STAG1: variants seen among roughly 807,000 people sequenced by gnomAD.
STAG1 encodes the protein cohesin subunit SA-1.
A neutral mutation model predicts 170.9 loss-of-function variants in STAG1; 26 were observed. That is an observed-to-expected ratio of 0.15 (90% confidence interval 0.11 to 0.21). STAG1 has a LOEUF of 0.21. Among genes scored for constraint, STAG1 ranks in the 10% least tolerant of loss-of-function variants. The probability of loss-of-function intolerance (pLI) is 1.00; values close to 1 mark genes in which losing one functional copy is unlikely to be tolerated. For synonymous variants in STAG1, 514 were observed against 497.7 expected (o/e 1.03, Z -0.44); for missense variants, 964 against 1,509.5 (o/e 0.64, Z 5.99).
chr3:136,711,662 A>G (rs1298112955), intron 1 of STAG1, among the ~76,000 whole-genome samples: 1 of 152,230 alleles, frequency 6.6e-6, no homozygotes, highest in Non-Finnish European at 1.5e-5. Context: ...AGACAGACTA[A>G]TGTAACAGGA....
At chr3:136,356,059 T>G (rs1936640944) in intron 28 of STAG1, among the ~76,000 whole-genome samples, 2 of 146,506 alleles carry the variant, frequency 1.4e-5, no homozygotes, top group Non-Finnish European at 3.0e-5. Context: ...GTCTGCCTGT[T>G]TTTTTTTTTT....
At chr3:136,666,822 A>T (rs1048326756) in intron 1 of STAG1, among the ~76,000 whole-genome samples, 1 of 146,636 alleles carries the variant, frequency 6.8e-6, no homozygotes, top group Non-Finnish European at 1.5e-5. Flanking sequence ...TCTGTCTTTA[A>T]AAAAAAAAAA....
At chr3:136,477,650 C>T (rs1012084154) in intron 9 of STAG1, among the ~76,000 whole-genome samples, 2 of 152,100 alleles carry the variant, frequency 1.3e-5, no homozygotes, top group African/African-American at 2.4e-5. Flanking sequence ...TCTATTTTCA[C>T]TGGGCTAGAC....
chr3:136,496,738 A>G (rs1933120459), intron 9 of STAG1, among the ~76,000 whole-genome samples: 2 of 152,210 alleles, frequency 1.3e-5, no homozygotes. Context: ...GAAACTAAGA[A>G]GAGCTGAAGA....
At position 136,577,747 on chromosome 3, in the gene STAG1, A is replaced by G. The variant is rs186301855; in HGVS notation, c.298-8886T>C. Among the ~76,000 whole-genome samples the G allele has an allele frequency of 1.1e-4, 16 of 152,326 alleles. No homozygotes were observed. The East Asian group carries it at 2.7e-3, about 26-fold the overall frequency. On this transcript the variant is annotated intron_variant, in intron 4 of 33. Transcript: ENST00000383202. ...TAACCCAGAAGAAAATAGCTTATAT[A>G]CTCAACAGAAATCTGAGGAACATGT...
chr3:136,396,804 G>A (rs946370697), intron 22 of STAG1, among the ~76,000 whole-genome samples: 2 of 152,082 alleles, frequency 1.3e-5, no homozygotes, highest in Admixed American at 1.3e-4. Context: ...GGGATTACAG[G>A]CGCGAGCCAC....
At chr3:136,394,850 T>C (rs1015331351) in intron 22 of STAG1, among the ~76,000 whole-genome samples, 1 of 148,816 alleles carries the variant, frequency 6.7e-6, no homozygotes, top group Non-Finnish European at 1.5e-5. Flanking sequence ...CTACTTGGGA[T>C]GCTGAGGCAG....
chr3:136,350,616 G>A (rs1936399655), intron 28 of STAG1, among the ~76,000 whole-genome samples: 2 of 152,166 alleles, frequency 1.3e-5, no homozygotes, highest in Admixed American at 1.3e-4. Context: ...TATTCTGGGA[G>A]AAGAGGGATG....
At chr3:136,463,826 T>C (rs1212876575) in intron 13 of STAG1, among the ~76,000 whole-genome samples, 2 of 144,978 alleles carry the variant, frequency 1.4e-5, no homozygotes, top group East Asian at 2.0e-4. Flanking sequence ...CATATATTCA[T>C]ATATACATAT....
chr3:136,576,886 GTAGATTCGTTTGCTTTGGAGAAAGA>G (rs1452890890), intron 4 of STAG1, among the ~76,000 whole-genome samples: 3 of 152,192 alleles, frequency 2.0e-5, no homozygotes, highest in African/African-American at 4.8e-5. Flanking sequence ...CTGCTTAAGA[GTAGATTCGTTTGCTTTGGAGAAAGA>G]TAGATTCGTT....
At chr3:136,470,408 G>C (rs1470541087) in intron 12 of STAG1, among the ~76,000 whole-genome samples, 1 of 152,216 alleles carries the variant, frequency 6.6e-6, no homozygotes, top group Non-Finnish European at 1.5e-5. Context: ...CTGGCCATCA[G>C]AGAAATGCAA....
Position 136,700,212 on chromosome 3 carries a change from G to A in STAG1, c.-84+51983C>T, listed in dbSNP as rs144823319. ...ATCTAGGATGCTTTGCCTAGAATAT[G>A]GTCTTCAGAAAAAATTATTTCTGGA... On this transcript the variant is annotated intron_variant, in intron 1 of 33. Transcript: ENST00000383202. 2.5e-3 allele frequency among the ~76,000 whole-genome samples: 368 copies of A among 145,438 alleles called. 2 individuals are homozygous for A. The highest frequency in any genetic ancestry group is 9.1e-3 in the African/African-American group (356 of 39,044).
intron 4 of STAG1, among the ~76,000 whole-genome samples, chr3:136,595,678 AT>A (rs1938391055): frequency 1.1e-3 from 2 of 1,746 alleles, no homozygotes; most frequent in South Asian, 0.045. Context: ...CTCCATCTCA[AT>A]AAATAAATAA....
chr3:136,582,586 G>T (rs1331239796), intron 4 of STAG1, among the ~76,000 whole-genome samples: 3 of 152,178 alleles, frequency 2.0e-5, no homozygotes, highest in Non-Finnish European at 2.9e-5. Flanking sequence ...ATCATCTGAG[G>T]TCAGGAGTTC....
intron 15 of STAG1, among the ~76,000 whole-genome samples, chr3:136,441,573 A>C (rs975369313): frequency 6.6e-6 from 1 of 152,204 alleles, no homozygotes; most frequent in Non-Finnish European, 1.5e-5. Context: ...GTTTGTCTCA[A>C]TGAATTATGT....
At chr3:136,624,558 T>G (rs1940008700) in intron 2 of STAG1, among the ~76,000 whole-genome samples, 1 of 152,218 alleles carries the variant, frequency 6.6e-6, no homozygotes, top group African/African-American at 2.4e-5. Flanking sequence ...TGTGAGCAAC[T>G]TCTCTGCTGA....
At chr3:136,385,642 A>T (rs2086853895) in intron 22 of STAG1, among the ~76,000 whole-genome samples, 1 of 152,188 alleles carries the variant, frequency 6.6e-6, no homozygotes. Context: ...ACCTACATAT[A>T]CCCATATATA....
chr3:136,374,451 C>T (rs1937508086), intron 23 of STAG1, among the ~76,000 whole-genome samples: 1 of 152,176 alleles, frequency 6.6e-6, no homozygotes, highest in East Asian at 1.9e-4. Flanking sequence ...AATCCCATCT[C>T]TACTAAAAAT....
intron 1 of STAG1, among the ~76,000 whole-genome samples, chr3:136,729,949 C>T (rs1049759307): frequency 1.4e-5 from 2 of 140,134 alleles, no homozygotes; most frequent in Non-Finnish European, 3.0e-5. Flanking sequence ...AGTGCAGTAG[C>T]GTGATCTCAG....
Sources: allele counts gnomAD v4.1 joint callset (sites outside exome capture counted in the v4.1 genomes callset), GRCh38; gene constraint gnomAD v4.1.1; transcripts MANE v1.5; gene names NCBI Gene and HGNC (gene_info 2026-07-23, HGNC 2026-07-21).